The following WNK2 variants were observed in gnomAD, a reference collection of about 807,000 sequenced individuals.
The protein encoded by WNK2 is WNK lysine deficient protein kinase 2.
WNK2 carries 67 observed loss-of-function variants against 192.1 expected under a neutral mutation model. The observed-to-expected ratio is 0.35, with a 90% CI of 0.29 to 0.43. The LOEUF (loss-of-function observed/expected upper bound fraction) is 0.43. Ranked by LOEUF, WNK2 falls within the 20% of genes least tolerant of loss-of-function variation. The pLI, the probability that WNK2 is intolerant of heterozygous loss-of-function variation, is 1.00. For missense variants in WNK2, 2,698 were observed against 3,089.7 expected (o/e 0.87, Z 3.01); for synonymous variants, 1,439 against 1,393.9 (o/e 1.03, Z -0.72).
intron 27 of WNK2, chr9:93,308,060 A>G (rs1852937122): frequency 3.5e-6 from 2 of 574,354 alleles, no homozygotes; most frequent in Non-Finnish European, 6.0e-6. Flanking sequence ...GATGCTGAGC[A>G]GAGGCTGCCG....
At chr9:93,274,226 A>G (rs1846403864) in intron 19 of WNK2, among the ~76,000 whole-genome samples, 1 of 152,236 alleles carries the variant, frequency 6.6e-6, no homozygotes. Flanking sequence ...TACCAATACT[A>G]AAGAAAGCAC....
chr9:93,259,308 G>A lies in WNK2; in HGVS notation c.2760G>A (p.Ala920=), dbSNP rs766212858. 2.2e-5 allele frequency: 36 copies of A among 1,613,554 alleles called. No individual in the cohort carries two copies. Among genetic ancestry groups the A allele is most frequent in the Non-Finnish European group, 2.9e-5 (34 of 1,179,754 alleles). The change falls in exon 12 of 30, where the codon GCG becomes GCA. Residue 920 remains alanine (A), a synonymous_variant. Transcript: ENST00000427277. This position sits in a 1 kb window ranked among gnomAD's most constrained non-coding sequence, Gnocchi z 4.8. ...ACCCAGCGGCCTTCCCACAGATGGC[G>A]CCTACTGACGTCCCTCCTTCCCCCC... ...PVYPAAFPQM[A]PTDVPPSPHH...
intron 7 of WNK2, among the ~76,000 whole-genome samples, chr9:93,243,953 C>T (rs901356429): frequency 4.6e-5 from 7 of 152,216 alleles, no homozygotes; most frequent in African/African-American, 7.2e-5. Flanking sequence ...GAGATTAGGC[C>T]GGGTGCAGTC....
chr9:93,245,392 T>G (rs1036309055), intron 7 of WNK2, among the ~76,000 whole-genome samples: 3 of 152,226 alleles, frequency 2.0e-5, no homozygotes, highest in Non-Finnish European at 4.4e-5. Flanking sequence ...TTTCCTCGCC[T>G]GACTTCCATG....
At chr9:93,236,313 G>C (rs1457245862) in intron 5 of WNK2, among the ~76,000 whole-genome samples, 1 of 152,132 alleles carries the variant, frequency 6.6e-6, no homozygotes, top group Admixed American at 6.5e-5. Flanking sequence ...TACACTACTG[G>C]GCAGAGCCCT....
chr9:93,218,362 G>T (rs1023943993), intron 2 of WNK2, among the ~76,000 whole-genome samples: 1 of 152,230 alleles, frequency 6.6e-6, no homozygotes, highest in African/African-American at 2.4e-5. Context: ...GTGGCCATGG[G>T]GTGGGGCTGG....
In WNK2 at chr9:93,247,765, C is replaced by T; in HGVS notation, c.1765C>T (p.Pro589Ser). The stretch of plus-strand genomic sequence containing the variant: ...GGCTGGGCAGCCCGGGCCACCAGAG[C>T]CCGAGGAGCCGGAGGCCGACCAGCA... ...AQAGQPGPPE[P>S]EEPEADQHLL... Residue 589 changes from proline to serine, a missense_variant, in exon 8 of 30, where the codon CCC becomes TCC. Physicochemically the swap from Pro to Ser is moderately conservative, Grantham distance 74. This residue lies in a region of WNK2 where 893 missense variants were observed against 909.0 expected (regional missense o/e 0.98). Coordinates refer to ENST00000427277, the MANE Select transcript of WNK2 (RefSeq NM_006648.4). This position sits in a 1 kb window ranked among gnomAD's most constrained non-coding sequence, Gnocchi z 5.2. 3 of 1,551,574 alleles carry T rather than the reference C, an allele frequency of 1.9e-6. No homozygotes were observed. The highest frequency in any genetic ancestry group is 1.7e-6 in the Non-Finnish European group (2 of 1,149,270).
intron 2 of WNK2, among the ~76,000 whole-genome samples, chr9:93,211,324 AGTCACT>A: frequency 6.6e-6 from 1 of 150,888 alleles, no homozygotes; most frequent in South Asian, 2.1e-4. Flanking sequence ...TCATCCACTC[AGTCACT>A]CTTTGGTCTA....
chr9:93,227,699 C>A (rs1838047537), intron 2 of WNK2, among the ~76,000 whole-genome samples: 1 of 151,606 alleles, frequency 6.6e-6, no homozygotes, highest in Admixed American at 6.6e-5. Flanking sequence ...TGGGGTCCTG[C>A]TGTGTTACCC....
chr9:93,216,760 C>T (rs1835810313), intron 2 of WNK2, among the ~76,000 whole-genome samples: 1 of 151,332 alleles, frequency 6.6e-6, no homozygotes, highest in Non-Finnish European at 1.5e-5. Context: ...CACCACTGCA[C>T]CACTGCACCA....
intron 2 of WNK2, among the ~76,000 whole-genome samples, chr9:93,215,365 C>T (rs1479410361): frequency 1.3e-5 from 2 of 152,140 alleles, no homozygotes; most frequent in Non-Finnish European, 2.9e-5. Flanking sequence ...CCACCTCGGC[C>T]TCCCATAGTG....
intron 23 of WNK2, among the ~76,000 whole-genome samples, chr9:93,294,048 C>T (rs1849829538): frequency 6.6e-6 from 1 of 152,100 alleles, no homozygotes; most frequent in Admixed American, 6.5e-5. Flanking sequence ...TGGGGGGTTA[C>T]TGGGATGTCC....
intron 7 of WNK2, among the ~76,000 whole-genome samples, chr9:93,246,842 G>A (rs1313907140): frequency 1.3e-5 from 2 of 152,242 alleles, no homozygotes; most frequent in East Asian, 3.8e-4. Flanking sequence ...GTTCTCCCAT[G>A]TTTTCATGTG....
chr9:93,275,842 C>T (rs141759738), intron 19 of WNK2, among the ~76,000 whole-genome samples: 105 of 152,264 alleles, frequency 6.9e-4, no homozygotes, highest in African/African-American at 2.4e-3. Context: ...AATTTGAAGG[C>T]TATACCATTT....
chr9:93,234,670 GGTCCAGGTGTTCTGAGT>G (rs1839502789), intron 4 of WNK2, 121 bp from the exon 5 acceptor site: 7 of 1,016,470 alleles, frequency 6.9e-6, no homozygotes, highest in Non-Finnish European at 9.9e-6. Flanking sequence ...CTGGCCCTGG[GGTCCAGGTGTTCTGAGT>G]GTGCCATGGG....
At position 93,217,511 on chromosome 9, in the gene WNK2, C is replaced by T. The variant is rs111862081; in HGVS notation, c.682-12185C>T. On this transcript the variant is annotated intron_variant, in intron 2 of 29. Coordinates refer to ENST00000427277, the MANE Select transcript of WNK2 (RefSeq NM_006648.4). ...TATGTGTGCTGTGTACCTGCCGTCT[C>T]GGTTGTGGTCCCCAAGGCTCTTGCC... Among the ~76,000 whole-genome samples, 108 of 152,302 alleles carry T rather than the reference C, an allele frequency of 7.1e-4. 1 individual carries two copies. Among genetic ancestry groups the T allele is most frequent in the African/African-American group, 2.2e-3 (92 of 41,564 alleles).
At position 93,292,288 on chromosome 9, in the gene WNK2, C is replaced by A; in HGVS notation, c.4937-20C>A. 1.2e-6 allele frequency: 2 copies of A among 1,613,158 alleles called. No individual in the cohort carries two copies. The highest frequency in any genetic ancestry group is 1.7e-6 in the Non-Finnish European group (2 of 1,179,244). Reference sequence around the variant, plus strand: ...CTTCCTCCTCCTTCAGCCCCAGTAACGTTTCTGATGTTCCCATAGCAGAGT... The same window carrying A: ...CTTCCTCCTCCTTCAGCCCCAGTAAAGTTTCTGATGTTCCCATAGCAGAGT... On this transcript the variant is annotated intron_variant, in intron 21 of 29. Coordinates refer to ENST00000427277, the MANE Select transcript of WNK2 (RefSeq NM_006648.4).
Position 93,184,949 on chromosome 9 carries a change from G to A in WNK2, c.20G>A (p.Arg7His). 8.2e-7 allele frequency: 1 copy of A among 1,219,306 alleles called. No individual in the cohort carries two copies. Among genetic ancestry groups the A allele is most frequent in the East Asian group, 3.3e-5 (1 of 30,024 alleles). 75.5% of individuals were successfully genotyped at this position (1,219,306 alleles called of 1,614,324 possible). A position where few individuals can be genotyped will look rare whatever the true frequency, so the allele number is the denominator to read the frequency against. The change falls in exon 2 of 30, where the codon CGC (arginine) becomes CAC (histidine). Residue 7 changes from arginine (R) to histidine (H), a missense_variant. Around this residue, in one of 7 missense-constraint regions of WNK2, gnomAD observed 260 missense variants for 285.6 expected, o/e 0.91. Transcript: ENST00000427277. Reference protein sequence around the residue: MDGDGGRRDVPGTLMEP... With the variant: MDGDGGHRDVPGTLMEP... ...ACAGAGATGGACGGCGATGGCGGCC[G>A]CCGAGACGTCCCCGGCACGCTGATG...
At chr9:93,219,252 C>A (rs546630374) in intron 2 of WNK2, among the ~76,000 whole-genome samples, 43 of 152,376 alleles carry the variant, frequency 2.8e-4, no homozygotes, top group Admixed American at 8.5e-4. Flanking sequence ...TCTACCAACA[C>A]CCCCAGTCCC....
Sources: allele counts gnomAD v4.1 joint callset (sites outside exome capture counted in the v4.1 genomes callset), GRCh38; gene constraint gnomAD v4.1.1; regional missense constraint gnomAD v4.1.1; non-coding constraint Gnocchi (gnomAD v3.1); transcripts MANE v1.5; gene names NCBI Gene and HGNC (gene_info 2026-07-23, HGNC 2026-07-21).